Variants in RFX8 observed in about 807,000 individuals in gnomAD.
RFX8 encodes the protein DNA-binding protein RFX8.
Under a neutral mutation model 54.6 loss-of-function variants are expected in RFX8, and 46 were observed. That is an observed-to-expected ratio of 0.84 (90% CI 0.67 to 1.08). The LOEUF (loss-of-function observed/expected upper bound fraction) is 1.08. RFX8 is among the 50% of genes least tolerant of loss of function. RFX8 has a pLI of 0.00. For synonymous variants in RFX8, 192 were observed against 209.5 expected (o/e 0.92, Z 0.72); for missense variants, 536 against 562.3 (o/e 0.95, Z 0.47).
At chr2:101,462,204 CATTGCTTAAGCCCAGGGGT>C (rs775196631) in intron 2 of RFX8, among the ~76,000 whole-genome samples, 3 of 152,134 alleles carry the variant, frequency 2.0e-5, no homozygotes, top group African/African-American at 2.4e-5. Flanking sequence ...GACGCAGGTG[CATTGCTTAAGCCCAGGGGT>C]CCAAGACCAG....
rs769848939 is a variant in RFX8 at position 101,417,516 on chromosome 2, T to C, written c.502+18A>G. On this transcript the variant is annotated intron_variant, in intron 6 of 11. Coordinates refer to ENST00000428343, the MANE Select transcript of RFX8 (RefSeq NM_001145664.2). ...CCACTGTGCCAGCCCAGAATTTATTTTTTTCATCGAAACCTACCTTTGAGT... is the reference window on the plus strand; with the variant it reads ...CCACTGTGCCAGCCCAGAATTTATTCTTTTCATCGAAACCTACCTTTGAGT... The C allele has an allele frequency of 4.5e-6, 7 of 1,542,418 alleles. No homozygotes were observed. The South Asian group carries it at 7.3e-5, about 16-fold the overall frequency.
chr2:101,442,172 CT>C (rs1228434559), intron 2 of RFX8, among the ~76,000 whole-genome samples: 1 of 152,164 alleles, frequency 6.6e-6, no homozygotes, highest in Non-Finnish European at 1.5e-5. Context: ...GTGTGGAAAT[CT>C]TTTTTCCATT....
chr2:101,416,094 G>A (rs1347781892), intron 6 of RFX8, among the ~76,000 whole-genome samples: 1 of 152,160 alleles, frequency 6.6e-6, no homozygotes, highest in Admixed American at 6.5e-5. Context: ...CACAGCAGTG[G>A]AGGAGAGTGG....
intron 4 of RFX8, among the ~76,000 whole-genome samples, chr2:101,419,684 G>T (rs1686747830): frequency 6.6e-6 from 1 of 152,198 alleles, no homozygotes; most frequent in South Asian, 2.1e-4. Flanking sequence ...GCTAGGACCT[G>T]CCAGTGACAC....
chr2:101,465,113 T>C (rs929915952), intron 2 of RFX8, among the ~76,000 whole-genome samples: 34 of 152,186 alleles, frequency 2.2e-4, no homozygotes, highest in Non-Finnish European at 4.6e-4. Context: ...GCAAGATGAC[T>C]TGATAAAAGA....
intron 10 of RFX8, among the ~76,000 whole-genome samples, chr2:101,405,202 G>T (rs915108465): frequency 6.6e-6 from 1 of 150,400 alleles, no homozygotes; most frequent in African/African-American, 2.5e-5. Context: ...GCTGGAGTGC[G>T]TTGGTGCAAT....
At chr2:101,406,676 G>A (rs1323816992) in intron 9 of RFX8, among the ~76,000 whole-genome samples, 1 of 152,158 alleles carries the variant, frequency 6.6e-6, no homozygotes, top group Non-Finnish European at 1.5e-5. Flanking sequence ...CACTTGTGAT[G>A]TGTGACACAG....
chr2:101,426,416 G>C (rs1266234053), intron 2 of RFX8, among the ~76,000 whole-genome samples: 1 of 152,154 alleles, frequency 6.6e-6, no homozygotes, highest in Non-Finnish European at 1.5e-5. Context: ...ATACTCAGGA[G>C]GCTGAGGTGA....
intron 2 of RFX8, among the ~76,000 whole-genome samples, chr2:101,441,916 G>C (rs1489582908): frequency 6.6e-6 from 1 of 152,170 alleles, no homozygotes; most frequent in African/African-American, 2.4e-5. Flanking sequence ...TTCTTGGTAT[G>C]TTAGCACTTA....
chr2:101,448,593 C>T (rs985972327), intron 2 of RFX8, among the ~76,000 whole-genome samples: 5 of 152,166 alleles, frequency 3.3e-5, no homozygotes, highest in African/African-American at 1.2e-4. Context: ...TTCTGACACT[C>T]GTCATATTAT....
intron 11 of RFX8, among the ~76,000 whole-genome samples, chr2:101,400,051 A>C (rs996598239): frequency 5.9e-5 from 9 of 152,138 alleles, no homozygotes; most frequent in African/African-American, 2.2e-4. Flanking sequence ...CTGTAAAATG[A>C]GGTTGATGAT....
chr2:101,426,748 T>C (rs1331652761), intron 2 of RFX8, among the ~76,000 whole-genome samples: 1 of 152,170 alleles, frequency 6.6e-6, no homozygotes, highest in Non-Finnish European at 1.5e-5. Flanking sequence ...GTCTGATGTG[T>C]GCCACCTTTC....
chr2:101,410,979 T>C (rs1449244812), intron 8 of RFX8, among the ~76,000 whole-genome samples: 1 of 152,224 alleles, frequency 6.6e-6, no homozygotes, highest in Non-Finnish European at 1.5e-5. Context: ...AAACCATAAC[T>C]ACACCTTGCA....
intron 2 of RFX8, among the ~76,000 whole-genome samples, chr2:101,460,706 G>A (rs1398008346): frequency 1.3e-5 from 2 of 150,302 alleles, no homozygotes; most frequent in Non-Finnish European, 3.0e-5. Context: ...TTCAGCCCTT[G>A]CTTCTGCTTG....
intron 2 of RFX8, among the ~76,000 whole-genome samples, chr2:101,449,888 G>C (rs887721230): frequency 2.6e-5 from 4 of 152,028 alleles, no homozygotes; most frequent in African/African-American, 9.7e-5. Flanking sequence ...AGGATTCAGG[G>C]CTGGTGGGGG....
At chr2:101,451,708 A>G (rs1238697751) in intron 2 of RFX8, among the ~76,000 whole-genome samples, 2 of 142,356 alleles carry the variant, frequency 1.4e-5, no homozygotes, top group African/African-American at 5.2e-5. Flanking sequence ...AAAAAAAAAG[A>G]AAAGTAATAT....
At chr2:101,454,545 C>T (rs1688864448) in intron 2 of RFX8, among the ~76,000 whole-genome samples, 1 of 152,192 alleles carries the variant, frequency 6.6e-6, no homozygotes, top group Non-Finnish European at 1.5e-5. Flanking sequence ...TCTCCACATC[C>T]TCTCCAGCAT....
chr2:101,437,342 G>A (rs1171316531), intron 2 of RFX8, among the ~76,000 whole-genome samples: 1 of 152,128 alleles, frequency 6.6e-6, no homozygotes, highest in African/African-American at 2.4e-5. Flanking sequence ...GGAGACTGAG[G>A]CAGGAGGATC....
intron 9 of RFX8, among the ~76,000 whole-genome samples, chr2:101,410,001 C>G (rs190519088): frequency 6.6e-6 from 1 of 152,146 alleles, no homozygotes; most frequent in Non-Finnish European, 1.5e-5. Context: ...ATATCGACAA[C>G]GAAACCATCT....
Sources: gnomAD v4.1 joint callset for allele counts (sites outside exome capture counted in the v4.1 genomes callset) on GRCh38, gnomAD v4.1.1 for gene constraint, MANE v1.5 for transcripts, NCBI Gene and HGNC (gene_info 2026-07-23, HGNC 2026-07-21) for gene names.